The following ARHGEF28 variants were observed in gnomAD, a reference collection of about 807,000 sequenced individuals.
ARHGEF28 encodes the protein Rho guanine nucleotide exchange factor 28.
In ARHGEF28, 152 loss-of-function variants were observed where a neutral mutation model predicts 206.6. The ratio of observed to expected loss-of-function variants is 0.74; its 90% CI spans 0.64 to 0.84. The LOEUF (loss-of-function observed/expected upper bound fraction) is 0.84, where lower values mean the gene tolerates loss of function less well. Among genes scored for constraint, ARHGEF28 ranks in the 40% least tolerant of loss-of-function variants. The pLI is 0.00. For missense variants in ARHGEF28, 2,028 were observed against 2,073.2 expected, an observed-to-expected ratio of 0.98 and a Z score of 0.42; for synonymous variants, 763 against 776.4, an observed-to-expected ratio of 0.98 and a Z score of 0.29.
intron 1 of ARHGEF28, among the ~76,000 whole-genome samples, chr5:73,650,535 G>A (rs1238919000): frequency 2.0e-5 from 3 of 151,600 alleles, no homozygotes; most frequent in African/African-American, 4.9e-5. Context: ...TGCCAGCCTC[G>A]GCCTCACAAA....
intron 2 of ARHGEF28, among the ~76,000 whole-genome samples, chr5:73,740,519 C>T (rs562214166): frequency 4.2e-4 from 64 of 152,232 alleles, no homozygotes; most frequent in African/African-American, 1.4e-3. Flanking sequence ...GTCCCCTGTC[C>T]TTCCCTGTAT....
In ARHGEF28 at chr5:73,686,365, A is replaced by G. The variant is rs115704649; in HGVS notation, c.33+1481A>G. ...AGCCTAATCGTGATAGAAGCCTTGT[A>G]GCTGACCGACCTCCTCATGTAGCTA... On this transcript the variant is annotated intron_variant, in intron 2 of 35. Coordinates refer to ENST00000513042, the MANE Select transcript of ARHGEF28 (RefSeq NM_001177693.2). Among the ~76,000 whole-genome samples, 981 of 152,252 alleles carry G rather than the reference A, an allele frequency of 6.4e-3. 10 individuals are homozygous for G. Among genetic ancestry groups the G allele is most frequent in the African/African-American group, 0.022 (931 of 41,544 alleles).
At chr5:73,931,921 T>C (rs1236684407) in intron 35 of ARHGEF28, among the ~76,000 whole-genome samples, 1 of 152,228 alleles carries the variant, frequency 6.6e-6, no homozygotes, top group African/African-American at 2.4e-5. Context: ...TAGTAAGTAC[T>C]CCATACATTA....
intron 28 of ARHGEF28, 63 bp from the exon 29 acceptor site, chr5:73,894,323 TCGTGGAC>T: frequency 2.1e-6 from 3 of 1,428,026 alleles, no homozygotes; most frequent in Admixed American, 4.4e-5. Context: ...AACATCTTTT[TCGTGGAC>T]TTTCACATTA....
At chr5:73,909,217 C>G in intron 33 of ARHGEF28, 195 bp from the exon 34 acceptor site, 1 of 671,342 alleles carries the variant, frequency 1.5e-6, no homozygotes, top group South Asian at 2.5e-5. Context: ...GGTCCTACCC[C>G]TAGGACAGAT....
intron 2 of ARHGEF28, among the ~76,000 whole-genome samples, chr5:73,714,006 A>G (rs1749420200): frequency 6.6e-6 from 1 of 152,206 alleles, no homozygotes; most frequent in African/African-American, 2.4e-5. Flanking sequence ...TTTTAGACCT[A>G]AATAAGAGGA....
intron 13 of ARHGEF28, 174 bp downstream of exon 13, chr5:73,849,261 T>C: frequency 1.8e-6 from 1 of 551,432 alleles, no homozygotes; most frequent in East Asian, 3.1e-5. Flanking sequence ...ACAGCCAAAT[T>C]TGATTTTGAT....
chr5:73,875,288 T>A (rs1760390327), intron 22 of ARHGEF28, among the ~76,000 whole-genome samples: 2 of 151,340 alleles, frequency 1.3e-5, no homozygotes, highest in South Asian at 2.1e-4. Flanking sequence ...CTTGTAAATT[T>A]GTTTGAGTTC....
intron 10 of ARHGEF28, among the ~76,000 whole-genome samples, chr5:73,836,693 C>T (rs1757663431): frequency 6.6e-6 from 1 of 152,038 alleles, no homozygotes; most frequent in Non-Finnish European, 1.5e-5. Context: ...TTTTGCTTTT[C>T]TTGCTTGTGC....
At chr5:73,884,783 T>G (rs377632600) in intron 24 of ARHGEF28, among the ~76,000 whole-genome samples, 42,652 of 151,996 alleles carry the variant, frequency 0.28, 7,188 homozygotes, top group African/African-American at 0.47. Context: ...CAAATATCAA[T>G]GCTGCTCCAG....
chr5:73,719,878 G>A (rs1369517861), intron 2 of ARHGEF28, among the ~76,000 whole-genome samples: 12 of 152,206 alleles, frequency 7.9e-5, no homozygotes, highest in Non-Finnish European at 1.8e-4. Context: ...TCGAGGCAAG[G>A]CAGTTTACAT....
chr5:73,860,114 A>G lies in ARHGEF28; in HGVS notation c.2047+1895A>G, dbSNP rs73103811. On this transcript the variant is annotated intron_variant, in intron 16 of 35. Coordinates refer to ENST00000513042, the MANE Select transcript of ARHGEF28 (RefSeq NM_001177693.2). ...TGGCACACTACTCTTCTGTTTTACCATCTGGGTTGTCTCCTTTTCCCTAAT... is the reference window on the plus strand; with the variant it reads ...TGGCACACTACTCTTCTGTTTTACCGTCTGGGTTGTCTCCTTTTCCCTAAT... Among the ~76,000 whole-genome samples, 794 of 152,104 alleles carry G rather than the reference A, an allele frequency of 5.2e-3. 15 individuals are homozygous for G. The highest frequency in any genetic ancestry group is 0.018 in the African/African-American group (739 of 41,486).
intron 4 of ARHGEF28, among the ~76,000 whole-genome samples, chr5:73,773,386 T>C (rs1753339990): frequency 6.6e-6 from 1 of 152,212 alleles, no homozygotes; most frequent in Admixed American, 6.5e-5. Context: ...TGCGGCTTCT[T>C]ATCAGGGGAG....
intron 2 of ARHGEF28, among the ~76,000 whole-genome samples, chr5:73,697,251 C>T (rs797001165): frequency 1.2e-4 from 19 of 152,250 alleles, no homozygotes; most frequent in African/African-American, 3.8e-4. Context: ...TATCTGTGAA[C>T]GATGTCACAT....
At chr5:73,915,880 A>G (rs1205387834) in intron 35 of ARHGEF28, among the ~76,000 whole-genome samples, 1 of 152,166 alleles carries the variant, frequency 6.6e-6, no homozygotes, top group Non-Finnish European at 1.5e-5. Flanking sequence ...AAGCATTATG[A>G]TTTTGTTATG....
chr5:73,696,306 G>A lies in ARHGEF28; in HGVS notation c.33+11422G>A, dbSNP rs114009159. 2.7e-3 allele frequency among the ~76,000 whole-genome samples: 408 copies of A among 152,212 alleles called. 2 individuals are homozygous for A. Among genetic ancestry groups the A allele is most frequent in the African/African-American group, 9.0e-3 (372 of 41,540 alleles). On this transcript the variant is annotated intron_variant, in intron 2 of 35. Coordinates refer to ENST00000513042, the MANE Select transcript of ARHGEF28 (RefSeq NM_001177693.2). ...ATGTAGGACTGCAGAAACCCTTTAC[G>A]CCATAAGCTCCAGCCATACCCTTCT...
chr5:73,664,205 C>A (rs1231784345), intron 1 of ARHGEF28, among the ~76,000 whole-genome samples: 1 of 152,268 alleles, frequency 6.6e-6, no homozygotes, highest in Non-Finnish European at 1.5e-5. Flanking sequence ...AAGGGGCCAA[C>A]AACCTGTCAA....
intron 1 of ARHGEF28, among the ~76,000 whole-genome samples, chr5:73,680,698 A>C (rs1228814933): frequency 1.3e-5 from 2 of 152,164 alleles, no homozygotes; most frequent in Admixed American, 1.3e-4. Flanking sequence ...AATTTTGAGT[A>C]TATTTTATCA....
At position 73,892,347 on chromosome 5, in the gene ARHGEF28, CCCCTGCA is replaced by C; in HGVS notation, c.3566+120_3566+126del. The C allele has an allele frequency of 2.6e-6, 3 of 1,150,586 alleles. No homozygotes were observed. The South Asian group carries it at 5.0e-5, about 19-fold the overall frequency. 71.3% of individuals were successfully genotyped at this position (1,150,586 alleles called of 1,614,324 possible). ...TCTGCCAGAATGGTCTGCCCCCTGC[CCCCTGCA>C]CCTGCCTGCGATAGCCCCCCATCTG... On this transcript the variant is annotated intron_variant, in intron 27 of 35. Transcript: ENST00000513042.
Sources: allele counts gnomAD v4.1 joint callset (sites outside exome capture counted in the v4.1 genomes callset), GRCh38; gene constraint gnomAD v4.1.1; transcripts MANE v1.5; gene names NCBI Gene and HGNC (gene_info 2026-07-23, HGNC 2026-07-21).